DENND1B: variants seen among roughly 807,000 people sequenced by gnomAD.
The protein encoded by DENND1B is DENN domain containing 1B.
Under a neutral mutation model 90.1 loss-of-function variants are expected in DENND1B, and 59 were observed. The observed-to-expected ratio is 0.65, with a 90% CI of 0.53 to 0.81. DENND1B has a LOEUF of 0.81. Among genes scored for constraint, DENND1B ranks in the 40% least tolerant of loss-of-function variants. The pLI is 0.00. For missense variants in DENND1B, 862 were observed against 912.6 expected, an observed-to-expected ratio of 0.94 and a Z score of 0.71; for synonymous variants, 337 against 324.6, an observed-to-expected ratio of 1.04 and a Z score of -0.41.
chr1:197,567,857 T>C (rs1672810904), intron 15 of DENND1B, among the ~76,000 whole-genome samples: 1 of 152,080 alleles, frequency 6.6e-6, no homozygotes, highest in Admixed American at 6.6e-5. Flanking sequence ...AATATAATAG[T>C]CAATGGTAAA....
chr1:197,568,008 A>G (rs988583328), intron 15 of DENND1B, among the ~76,000 whole-genome samples: 6 of 145,026 alleles, frequency 4.1e-5, no homozygotes. Flanking sequence ...GAGGGAGGGA[A>G]GGAAGGAAGG....
intron 2 of DENND1B, chr1:197,736,005 A>C: frequency 9.7e-7 from 1 of 1,033,618 alleles, no homozygotes; most frequent in Non-Finnish European, 1.5e-6. Flanking sequence ...AAGTATCTAA[A>C]AACACTGCAA....
intron 14 of DENND1B, among the ~76,000 whole-genome samples, chr1:197,587,125 C>G (rs1322218355): frequency 6.6e-6 from 1 of 152,136 alleles, no homozygotes; most frequent in African/African-American, 2.4e-5. Flanking sequence ...TTAATACATA[C>G]TTAAGAATTA....
intron 3 of DENND1B, among the ~76,000 whole-genome samples, chr1:197,713,852 T>TAATATATAATATATTA (rs1186096088): frequency 4.4e-4 from 3 of 6,768 alleles, no homozygotes; most frequent in African/African-American, 1.1e-3. Context: ...TATTATATTA[T>TAATATATAATATATTA]TATAATATAT....
At chr1:197,612,111 A>G in intron 11 of DENND1B, 135 bp from the exon 12 acceptor site, 1 of 547,620 alleles carries the variant, frequency 1.8e-6, no homozygotes, top group Non-Finnish European at 3.0e-6. Context: ...TAGATATTCA[A>G]AATTATTCAA....
At chr1:197,677,278 A>G (rs1656181291) in intron 3 of DENND1B, among the ~76,000 whole-genome samples, 1 of 152,196 alleles carries the variant, frequency 6.6e-6, no homozygotes, top group Non-Finnish European at 1.5e-5. Flanking sequence ...AGTTTCAACT[A>G]CAACTACTAA....
rs1184648328 is a variant in DENND1B, at chr1:197,509,962, A to G, written c.*498T>C. ...GGCATTATTGCTCTGCAGAACACTA[A>G]TAACTTATCCTTCAAACTTTATACA... On this transcript the variant is annotated 3_prime_UTR_variant, in exon 23 of 23. Transcript: ENST00000620048. 6.6e-6 allele frequency: 1 copy of G among 152,302 alleles called. No individual in the cohort carries two copies. The highest frequency in any genetic ancestry group is 1.5e-5 in the Non-Finnish European group (1 of 68,158). 9.4% of individuals were successfully genotyped at this position (152,302 alleles called of 1,614,324 possible).
chr1:197,669,050 C>T (rs922424356), intron 5 of DENND1B, among the ~76,000 whole-genome samples: 3 of 152,004 alleles, frequency 2.0e-5, no homozygotes, highest in Non-Finnish European at 2.9e-5. Flanking sequence ...ATTTTTCTAT[C>T]AGATTATTTT....
At chr1:197,695,838 A>T (rs938036007) in intron 3 of DENND1B, among the ~76,000 whole-genome samples, 14 of 151,298 alleles carry the variant, frequency 9.3e-5, no homozygotes, top group African/African-American at 3.4e-4. Context: ...AATAATTTAT[A>T]TCTTCTTTAT....
rs566302760 is a variant in DENND1B at position 197,692,367 on chromosome 1, G to A, written c.127-18198C>T. Among the ~76,000 whole-genome samples the A allele has an allele frequency of 1.6e-4, 25 of 151,876 alleles. No homozygotes were observed. In the East Asian group the frequency reaches 2.3e-3, roughly 14 times the overall value. On this transcript the variant is annotated intron_variant, in intron 3 of 22. Transcript: ENST00000620048. Reference sequence around the variant, plus strand: ...ACCATTTTATGGTTATTTCCTATTAGTCAATGCCAAAGCAGTTAGCATAGT... The same window carrying A: ...ACCATTTTATGGTTATTTCCTATTAATCAATGCCAAAGCAGTTAGCATAGT...
chr1:197,769,996 A>AT (rs1428245293), intron 2 of DENND1B, among the ~76,000 whole-genome samples: 3 of 152,100 alleles, frequency 2.0e-5, no homozygotes, highest in African/African-American at 7.2e-5. Context: ...TATTGATTTT[A>AT]TTATTTATAG....
At chr1:197,715,695 T>C (rs1251377763) in intron 2 of DENND1B, among the ~76,000 whole-genome samples, 1 of 151,898 alleles carries the variant, frequency 6.6e-6, no homozygotes, top group African/African-American at 2.4e-5. Context: ...TAGCATGTTT[T>C]ATCTAGTAAT....
chr1:197,623,557 A>G (rs1163906608), intron 10 of DENND1B, among the ~76,000 whole-genome samples: 15 of 151,524 alleles, frequency 9.9e-5, no homozygotes, highest in African/African-American at 1.9e-4. Flanking sequence ...TGCAAAAACA[A>G]TATTTTGTAC....
chr1:197,600,457 CTG>C (rs1286072652), intron 13 of DENND1B, among the ~76,000 whole-genome samples: 1 of 151,718 alleles, frequency 6.6e-6, no homozygotes, highest in Non-Finnish European at 1.5e-5. Flanking sequence ...GAATACCCCT[CTG>C]TGGATTCTCC....
At chr1:197,571,287 G>A (rs1673131283) in intron 15 of DENND1B, among the ~76,000 whole-genome samples, 1 of 152,150 alleles carries the variant, frequency 6.6e-6, no homozygotes, top group South Asian at 2.1e-4. Flanking sequence ...GTTCCATTTA[G>A]AATAAAAGGT....
chr1:197,758,597 A>G (rs546553390), intron 2 of DENND1B, among the ~76,000 whole-genome samples: 1 of 152,350 alleles, frequency 6.6e-6, no homozygotes, highest in Admixed American at 6.5e-5. Flanking sequence ...TCAAAGTCAG[A>G]CATCTAACAA....
At chr1:197,564,623 G>C (rs144626609) in intron 15 of DENND1B, among the ~76,000 whole-genome samples, 2 of 151,824 alleles carry the variant, frequency 1.3e-5, no homozygotes, top group Non-Finnish European at 2.9e-5. Context: ...TATTGTAGTG[G>C]TCTGGAACTG....
At chr1:197,576,309 T>G (rs1673682764) in intron 15 of DENND1B, among the ~76,000 whole-genome samples, 1 of 152,042 alleles carries the variant, frequency 6.6e-6, no homozygotes, top group Admixed American at 6.5e-5. Flanking sequence ...TGGAAAGGAT[T>G]TGGAGCCCAA....
At chr1:197,581,538 A>C (rs1314625610) in intron 15 of DENND1B, among the ~76,000 whole-genome samples, 2 of 152,190 alleles carry the variant, frequency 1.3e-5, no homozygotes, top group African/African-American at 4.8e-5. Flanking sequence ...AATTCACATA[A>C]ACCTTATAAT....
Sources: gnomAD v4.1 joint callset for allele counts (sites outside exome capture counted in the v4.1 genomes callset) on GRCh38, gnomAD v4.1.1 for gene constraint, MANE v1.5 for transcripts, NCBI Gene and HGNC (gene_info 2026-07-23, HGNC 2026-07-21) for gene names.